The following ARHGAP26 variants were observed in gnomAD, a reference collection of about 807,000 sequenced individuals.
ARHGAP26 encodes the protein Rho GTPase activating protein 26.
In ARHGAP26, 38 loss-of-function variants were observed where a neutral mutation model predicts 104.8. The ratio of observed to expected loss-of-function variants is 0.36; its 90% confidence interval spans 0.28 to 0.48. The LOEUF is 0.48. Ranked by LOEUF, ARHGAP26 falls within the 20% of genes least tolerant of loss-of-function variation. The pLI is 0.99. For missense variants in ARHGAP26, 704 were observed against 947.9 expected, an observed-to-expected ratio of 0.74 and a Z score of 3.38; for synonymous variants, 341 against 340.0, an observed-to-expected ratio of 1.00 and a Z score of -0.03.
chr5:143,086,888 A>T (rs1790660412), intron 17 of ARHGAP26, among the ~76,000 whole-genome samples: 1 of 152,208 alleles, frequency 6.6e-6, no homozygotes, highest in African/African-American at 2.4e-5. Context: ...CTGCAGCCAC[A>T]TTAAAGTTTT....
At chr5:143,052,257 G>T (rs1488404592) in intron 14 of ARHGAP26, among the ~76,000 whole-genome samples, 1 of 152,120 alleles carries the variant, frequency 6.6e-6, no homozygotes, top group Non-Finnish European at 1.5e-5. Context: ...GGATCTCGAG[G>T]TCAGGAGTTC....
At chr5:142,775,799 G>A (rs1324499330) in intron 1 of ARHGAP26, among the ~76,000 whole-genome samples, 1 of 152,202 alleles carries the variant, frequency 6.6e-6, no homozygotes, top group Admixed American at 6.5e-5. Context: ...AATAGCATGT[G>A]TTAGGATTTC....
chr5:143,107,066 G>A (rs573804723), intron 17 of ARHGAP26, among the ~76,000 whole-genome samples: 16 of 152,140 alleles, frequency 1.1e-4, no homozygotes, highest in Admixed American at 5.9e-4. Context: ...GTTATTTGCC[G>A]TCGGAATGAA....
chr5:142,852,769 C>T (rs1414648308), intron 1 of ARHGAP26, among the ~76,000 whole-genome samples: 1 of 152,198 alleles, frequency 6.6e-6, no homozygotes, highest in African/African-American at 2.4e-5. Flanking sequence ...AACATGATCT[C>T]ACTCAGTAAG....
intron 17 of ARHGAP26, among the ~76,000 whole-genome samples, chr5:143,090,105 G>A (rs996914360): frequency 1.6e-4 from 24 of 152,236 alleles, no homozygotes; most frequent in Non-Finnish European, 7.3e-5. Flanking sequence ...CCTCCCTGTC[G>A]TGAACTTAGT....
At chr5:143,020,563 C>T (rs1598661104) in intron 12 of ARHGAP26, among the ~76,000 whole-genome samples, 1 of 151,814 alleles carries the variant, frequency 6.6e-6, no homozygotes, top group African/African-American at 2.4e-5. Flanking sequence ...TATAACACTT[C>T]CTCCTCTTTG....
intron 18 of ARHGAP26, among the ~76,000 whole-genome samples, chr5:143,125,242 C>G (rs1458697178): frequency 6.6e-6 from 1 of 152,186 alleles, no homozygotes; most frequent in Admixed American, 6.5e-5. Flanking sequence ...GCCTACCTGT[C>G]TTTCTGTTGT....
chr5:143,036,732 A>G (rs527939031), intron 12 of ARHGAP26, among the ~76,000 whole-genome samples: 37 of 152,136 alleles, frequency 2.4e-4, no homozygotes, highest in Non-Finnish European at 4.3e-4. Context: ...GGCTAGTGAT[A>G]ATGTCAACCT....
intron 15 of ARHGAP26, 93 bp from the exon 16 acceptor site, chr5:143,055,935 T>C: frequency 1.2e-6 from 1 of 800,428 alleles, no homozygotes; most frequent in Non-Finnish European, 2.0e-6. Flanking sequence ...CTTCGAGAAA[T>C]GTATTACAGT....
intron 11 of ARHGAP26, among the ~76,000 whole-genome samples, chr5:142,933,278 C>T (rs1478726239): frequency 6.6e-6 from 1 of 152,162 alleles, no homozygotes; most frequent in African/African-American, 2.4e-5. Context: ...CACATTTTTA[C>T]ATGTTAGGCA....
intron 20 of ARHGAP26, among the ~76,000 whole-genome samples, chr5:143,194,383 C>A (rs1806456943): frequency 6.6e-6 from 1 of 152,128 alleles, no homozygotes; most frequent in Non-Finnish European, 1.5e-5. Context: ...AGGCCTTATC[C>A]TATGAGCAAT....
At chr5:143,025,895 C>G (rs1042114019) in intron 12 of ARHGAP26, among the ~76,000 whole-genome samples, 4 of 152,094 alleles carry the variant, frequency 2.6e-5, no homozygotes, top group African/African-American at 4.8e-5. Context: ...GTTTCTGTTC[C>G]TGCTACCTAT....
chr5:142,930,130 C>T (rs1364271348), intron 10 of ARHGAP26, among the ~76,000 whole-genome samples: 1 of 152,174 alleles, frequency 6.6e-6, no homozygotes, highest in Non-Finnish European at 1.5e-5. Flanking sequence ...GCAGCACCTA[C>T]AGTAACACTC....
chr5:143,110,918 G>T (rs1794702752), intron 17 of ARHGAP26, among the ~76,000 whole-genome samples: 3 of 152,170 alleles, frequency 2.0e-5, no homozygotes, highest in African/African-American at 7.2e-5. Flanking sequence ...GTTAACCCCT[G>T]GATCTAAGGA....
intron 5 of ARHGAP26, among the ~76,000 whole-genome samples, chr5:142,891,848 T>A (rs1017001735): frequency 1.1e-4 from 17 of 152,002 alleles, no homozygotes; most frequent in African/African-American, 3.9e-4. Flanking sequence ...GTTTTGTCAT[T>A]GAAATATGCT....
chr5:142,818,236 A>T (rs1029968754), intron 1 of ARHGAP26, among the ~76,000 whole-genome samples: 1 of 148,712 alleles, frequency 6.7e-6, no homozygotes, highest in African/African-American at 2.5e-5. Context: ...AAAAAAAGTC[A>T]CTCTGGTTTA....
At chr5:142,783,730 A>G (rs966454859) in intron 1 of ARHGAP26, among the ~76,000 whole-genome samples, 1 of 152,208 alleles carries the variant, frequency 6.6e-6, no homozygotes, top group Non-Finnish European at 1.5e-5. Context: ...GCAGGGCTGG[A>G]TGACTGGGCA....
chr5:143,210,732 A>G (rs1016311730), intron 21 of ARHGAP26, among the ~76,000 whole-genome samples: 1 of 152,204 alleles, frequency 6.6e-6, no homozygotes, highest in Non-Finnish European at 1.5e-5. Context: ...ATGATGGCGA[A>G]TGGGTCATCA....
chr5:142,830,490 C>T (rs1456703012), intron 1 of ARHGAP26, among the ~76,000 whole-genome samples: 2 of 152,096 alleles, frequency 1.3e-5, no homozygotes, highest in African/African-American at 2.4e-5. Context: ...TTATGGCAGT[C>T]AGTCTGTTTT....
Sources: gnomAD v4.1 joint callset for allele counts (sites outside exome capture counted in the v4.1 genomes callset) on GRCh38, gnomAD v4.1.1 for gene constraint, MANE v1.5 for transcripts, NCBI Gene and HGNC (gene_info 2026-07-23, HGNC 2026-07-21) for gene names.